Variants in KLF12 observed in about 807,000 individuals in gnomAD.
The protein encoded by KLF12 is Krueppel-like factor 12.
Under a neutral mutation model 37.8 loss-of-function variants are expected in KLF12, and 9 were observed. That is an observed-to-expected ratio of 0.24 (90% CI 0.14 to 0.42). The LOEUF is 0.42. Among genes scored for constraint, KLF12 ranks in the 10% least tolerant of loss-of-function variants. KLF12 has a pLI of 1.00. For missense variants in KLF12, 411 were observed against 516.0 expected (o/e 0.80, Z 1.97); for synonymous variants, 208 against 202.1 (o/e 1.03, Z -0.25).
At chr13:74,219,875 G>C in the KLF12 span, among the ~76,000 whole-genome samples, 2 of 152,120 alleles carry the variant, frequency 1.3e-5, no homozygotes, top group African/African-American at 2.4e-5. Flanking sequence ...GTTTTCTGCA[G>C]TTGTGCTCAA....
intron 1 of KLF12, among the ~76,000 whole-genome samples, chr13:74,121,130 AT>A (rs1877612124): frequency 6.6e-6 from 1 of 152,160 alleles, no homozygotes; most frequent in Admixed American, 6.5e-5. Flanking sequence ...CACACACCTA[AT>A]AACAGAGTTT....
chr13:74,212,738 G>T, the KLF12 span, among the ~76,000 whole-genome samples: 6 of 152,112 alleles, frequency 3.9e-5, no homozygotes, highest in Non-Finnish European at 5.9e-5. Context: ...ACAAAAAAGG[G>T]AGTCAGGGAG....
Position 73,998,565 on chromosome 13 carries a change from G to A in KLF12, c.-31-3512C>T, listed in dbSNP as rs966251299. On this transcript the variant is annotated intron_variant, in intron 1 of 7. Coordinates refer to ENST00000377669, the MANE Select transcript of KLF12 (RefSeq NM_007249.5). ...ATTAGTTATGATCTTGTGTTTTCCAGCACCGATTTTAAAAATCAACTAATA... is the reference window on the plus strand; with the variant it reads ...ATTAGTTATGATCTTGTGTTTTCCAACACCGATTTTAAAAATCAACTAATA... 2.0e-5 allele frequency among the ~76,000 whole-genome samples: 3 copies of A among 152,152 alleles called. No homozygotes were observed. The South Asian group carries it at 6.2e-4, about 32-fold the overall frequency.
intron 4 of KLF12, among the ~76,000 whole-genome samples, chr13:73,814,716 C>G (rs1235403396): frequency 6.6e-6 from 1 of 151,910 alleles, no homozygotes; most frequent in Non-Finnish European, 1.5e-5. Context: ...CCAAGAGACA[C>G]CTGGCAACAT....
the KLF12 span, among the ~76,000 whole-genome samples, chr13:74,239,856 C>T: frequency 7.3e-5 from 11 of 151,608 alleles, no homozygotes; most frequent in Non-Finnish European, 1.2e-4. Context: ...TGAGATGGGT[C>T]TCCTGAATAC....
In KLF12 at chr13:73,995,009, A is replaced by T; in HGVS notation, c.14T>A (p.Met5Lys). 6.2e-7 allele frequency: 1 copy of T among 1,605,570 alleles called. No individual in the cohort carries two copies. Among genetic ancestry groups the T allele is most frequent in the Non-Finnish European group, 8.5e-7 (1 of 1,173,694 alleles). ...ACCAACCTTTATTGTTTTTCTCTTC[A>T]TATGGATATTCATTCATCCATTTGT... Residue 5 changes from methionine (M) to lysine (K), a missense_variant, in exon 2 of 8, where the codon ATG (methionine) becomes AAG (lysine). Around this residue, in one of 2 missense-constraint regions of KLF12, gnomAD observed 351 missense variants for 397.8 expected, o/e 0.88. Transcript: ENST00000377669.
At chr13:74,091,062 A>G (rs1452433604) in intron 1 of KLF12, among the ~76,000 whole-genome samples, 1 of 152,154 alleles carries the variant, frequency 6.6e-6, no homozygotes. Context: ...CAGAGTTCAA[A>G]AATGAGCTCA....
Position 73,775,226 on chromosome 13 carries a change from T to G in KLF12, c.807-10226A>C, listed in dbSNP as rs562514830. ...AGCCACTGTGCCCGGCCTATCACTC[T>G]TTTTTCAAAGTAAAAACTGATTAAT... On this transcript the variant is annotated intron_variant, in intron 5 of 7. Coordinates refer to ENST00000377669, the MANE Select transcript of KLF12 (RefSeq NM_007249.5). Among the ~76,000 whole-genome samples the G allele has an allele frequency of 2.0e-5, 3 of 152,250 alleles. No individual in the cohort carries two copies. The South Asian group carries it at 6.2e-4, about 32-fold the overall frequency.
chr13:73,916,447 G>A (rs1235844755), intron 3 of KLF12, among the ~76,000 whole-genome samples: 1 of 152,000 alleles, frequency 6.6e-6, no homozygotes. Context: ...GAGCCACGAG[G>A]TTATTTCTTC....
At chr13:73,979,412 C>A (rs556210709) in intron 2 of KLF12, among the ~76,000 whole-genome samples, 58 of 147,758 alleles carry the variant, frequency 3.9e-4, no homozygotes, top group Admixed American at 2.5e-3. Flanking sequence ...TCATGGAATA[C>A]AGCTAATGCT....
chr13:74,254,122 G>A, the KLF12 span, among the ~76,000 whole-genome samples: 2 of 152,064 alleles, frequency 1.3e-5, no homozygotes, highest in African/African-American at 2.4e-5. Context: ...TTCCATATAT[G>A]TATATGTCAT....
chr13:74,054,959 AACATGATAAT>A (rs1485233021), intron 1 of KLF12, among the ~76,000 whole-genome samples: 27 of 152,348 alleles, frequency 1.8e-4, no homozygotes, highest in African/African-American at 6.3e-4. Flanking sequence ...TTTATTCCAA[AACATGATAAT>A]ACAGCATCAC....
intron 2 of KLF12, among the ~76,000 whole-genome samples, chr13:73,977,120 G>C (rs898806358): frequency 6.7e-6 from 1 of 148,984 alleles, no homozygotes; most frequent in Non-Finnish European, 1.5e-5. Flanking sequence ...GCATGATCTC[G>C]ACTCACTGCA....
chr13:74,022,145 C>A (rs1892857688), intron 1 of KLF12, among the ~76,000 whole-genome samples: 1 of 151,994 alleles, frequency 6.6e-6, no homozygotes, highest in Non-Finnish European at 1.5e-5. Flanking sequence ...AGATATTAGT[C>A]ACTAGTACAG....
intron 1 of KLF12, among the ~76,000 whole-genome samples, chr13:74,041,951 C>G (rs748820629): frequency 1.6e-4 from 25 of 152,142 alleles, no homozygotes; most frequent in Admixed American, 5.9e-4. Context: ...AAGTGCTATA[C>G]AAGTGTTTGC....
At chr13:73,703,250 A>AAAATTCG (rs1479339943) in intron 7 of KLF12, among the ~76,000 whole-genome samples, 2 of 152,212 alleles carry the variant, frequency 1.3e-5, no homozygotes, top group Non-Finnish European at 2.9e-5. Flanking sequence ...TACAAAATTC[A>AAAATTCG]GGGTATTTCT....
the KLF12 span, among the ~76,000 whole-genome samples, chr13:74,243,981 A>G: frequency 6.6e-6 from 1 of 152,218 alleles, no homozygotes; most frequent in Non-Finnish European, 1.5e-5. Flanking sequence ...TGGGGTTAGA[A>G]AAACTGAATT....
At chr13:74,010,533 C>T (rs1326912136) in intron 1 of KLF12, among the ~76,000 whole-genome samples, 1 of 152,182 alleles carries the variant, frequency 6.6e-6, no homozygotes, top group Non-Finnish European at 1.5e-5. Context: ...TTTTTCACAT[C>T]CACAAATGGC....
At chr13:73,773,665 A>G (rs370772986) in intron 5 of KLF12, among the ~76,000 whole-genome samples, 102 of 152,262 alleles carry the variant, frequency 6.7e-4, no homozygotes, top group African/African-American at 2.4e-3. Context: ...GCACTATAGC[A>G]TAGTGATATT....
Sources: allele counts gnomAD v4.1 joint callset (sites outside exome capture counted in the v4.1 genomes callset), GRCh38; gene constraint gnomAD v4.1.1; regional missense constraint gnomAD v4.1.1; transcripts MANE v1.5; gene names NCBI Gene and HGNC (gene_info 2026-07-23, HGNC 2026-07-21).